AK2: variants seen among roughly 807,000 people sequenced by gnomAD.
AK2 encodes the protein adenylate kinase 2, mitochondrial.
In AK2, 15 loss-of-function variants were observed where a neutral mutation model predicts 24.6. The ratio of observed to expected loss-of-function variants is 0.61; its 90% confidence interval spans 0.41 to 0.94. The LOEUF (loss-of-function observed/expected upper bound fraction) is 0.94. Ranked by LOEUF, AK2 falls within the 40% of genes least tolerant of loss-of-function variation. The pLI, the probability that AK2 is intolerant of heterozygous loss-of-function variation, is 0.00. For synonymous variants in AK2, 102 were observed against 114.0 expected, an observed-to-expected ratio of 0.90 and a Z score of 0.67; for missense variants, 257 against 304.1, an observed-to-expected ratio of 0.85 and a Z score of 1.15.
In AK2 at chr1:33,012,034, A is replaced by G; in HGVS notation, c.*1147T>C. 6.5e-7 allele frequency: 1 copy of G among 1,535,430 alleles called. No homozygotes were observed. Among genetic ancestry groups the G allele is most frequent in the Non-Finnish European group, 8.7e-7 (1 of 1,146,712 alleles). On this transcript the variant is annotated 3_prime_UTR_variant, in exon 6 of 6. Coordinates refer to ENST00000672715, the MANE Select transcript of AK2 (RefSeq NM_001625.4). Reference sequence around the variant, plus strand: ...ACACACTGTTTTGTTCACACTTGGAAACACAGGCAAACATTAAAAATAAAA... The same window carrying G: ...ACACACTGTTTTGTTCACACTTGGAGACACAGGCAAACATTAAAAATAAAA...
chr1:33,014,883 C>T (rs1639083815), intron 4 of AK2, among the ~76,000 whole-genome samples: 1 of 152,214 alleles, frequency 6.6e-6, no homozygotes, highest in South Asian at 2.1e-4. Flanking sequence ...GCTGGTCTCA[C>T]ACAGCCATCC....
At chr1:33,023,058 T>G (rs1639654031) in intron 2 of AK2, among the ~76,000 whole-genome samples, 1 of 152,058 alleles carries the variant, frequency 6.6e-6, no homozygotes, top group Non-Finnish European at 1.5e-5. Context: ...TAACAGAAGG[T>G]AACTTGAGGA....
At chr1:33,021,502 G>C in intron 3 of AK2, 41 bp from the exon 4 acceptor site, 7 of 1,605,452 alleles carry the variant, frequency 4.4e-6, no homozygotes, top group Non-Finnish European at 6.0e-6. Flanking sequence ...ACCAGAGCTT[G>C]GTTAGACCCA....
In AK2 at chr1:33,008,999, AG is replaced by A. The variant is rs1319499017; in HGVS notation, c.*4181del. 2.2e-6 allele frequency: 1 copy of A among 454,168 alleles called. No individual in the cohort carries two copies. The highest frequency in any genetic ancestry group is 4.4e-6 in the Non-Finnish European group (1 of 226,794). The allele number at this position is 454,168 out of a possible 1,614,324, so 28.1% of individuals were successfully genotyped here. On this transcript the variant is annotated 3_prime_UTR_variant, in exon 6 of 6. Transcript: ENST00000672715. ...CCAAGGGAGGAAAGAAAATTTTCAC[AG>A]GGTATTTAAAAAGCTCAGGGAACAA...
intron 2 of AK2, among the ~76,000 whole-genome samples, chr1:33,022,650 T>C (rs1639634307): frequency 6.6e-6 from 1 of 151,968 alleles, no homozygotes; most frequent in African/African-American, 2.4e-5. Flanking sequence ...AGCCACCATG[T>C]CCAGCCCTAA....
rs1557603176 is a variant in AK2 at position 33,009,320 on chromosome 1, G to T, written c.*3861C>A. 2.2e-6 allele frequency: 1 copy of T among 454,098 alleles called. No individual in the cohort carries two copies. The highest frequency in any genetic ancestry group is 4.4e-6 in the Non-Finnish European group (1 of 226,790). 28.1% of individuals were successfully genotyped at this position (454,098 alleles called of 1,614,324 possible). A position where few individuals can be genotyped will look rare whatever the true frequency, so the allele number is the denominator to read the frequency against. ...ATTTAAGCTCACTTTTGCTGGAGAG[G>T]AAATGAATTTAAACTAGGACACACA... On this transcript the variant is annotated 3_prime_UTR_variant, in exon 6 of 6. Coordinates refer to ENST00000672715, the MANE Select transcript of AK2 (RefSeq NM_001625.4).
intron 2 of AK2, 101 bp from the exon 3 acceptor site, chr1:33,021,804 T>C (rs1178068764): frequency 3.5e-6 from 3 of 869,224 alleles, no homozygotes; most frequent in Non-Finnish European, 5.7e-6. Context: ...ATAACCTTAT[T>C]ACTAAACAGC....
Position 33,012,908 on chromosome 1 carries a change from C to T in AK2, c.*273G>A. The T allele has an allele frequency of 7.1e-7, 1 of 1,401,416 alleles. No homozygotes were observed. The highest frequency in any genetic ancestry group is 9.4e-7 in the Non-Finnish European group (1 of 1,062,178). 86.8% of individuals were successfully genotyped at this position (1,401,416 alleles called of 1,614,324 possible). A position where few individuals can be genotyped will look rare whatever the true frequency, so the allele number is the denominator to read the frequency against. ...GCGAAACCTTGTCTCAAAACAACAACAAAAAAGAAGTAAACAGCTGGTAAA... is the reference window on the plus strand; with the variant it reads ...GCGAAACCTTGTCTCAAAACAACAATAAAAAAGAAGTAAACAGCTGGTAAA... On this transcript the variant is annotated 3_prime_UTR_variant, in exon 6 of 6. Coordinates refer to ENST00000672715, the MANE Select transcript of AK2 (RefSeq NM_001625.4).
Position 33,012,686 on chromosome 1 carries a change from T to C in AK2, c.*495A>G, listed in dbSNP as rs761098918. ...CCAAGGTGGGTGGATTGCTTAAGCC[T>C]AGGAGTTCAAGACCAGCCTGGGCAA... On this transcript the variant is annotated 3_prime_UTR_variant, in exon 6 of 6. Transcript: ENST00000672715. The C allele has an allele frequency of 1.5e-5, 18 of 1,228,266 alleles. No individual in the cohort carries two copies. Among genetic ancestry groups the C allele is most frequent in the African/African-American group, 1.4e-4 (9 of 64,596 alleles). The allele number at this position is 1,228,266 out of a possible 1,614,324, so 76.1% of individuals were successfully genotyped here. A position where few individuals can be genotyped will look rare whatever the true frequency, so the allele number is the denominator to read the frequency against.
At chr1:33,021,922 T>G (rs1639583713) in intron 2 of AK2, among the ~76,000 whole-genome samples, 1 of 151,818 alleles carries the variant, frequency 6.6e-6, no homozygotes, top group African/African-American at 2.4e-5. Context: ...ATACACACTC[T>G]CGTCTCTTGA....
At chr1:33,024,195 T>G in intron 2 of AK2, 1 of 520,962 alleles carries the variant, frequency 1.9e-6, no homozygotes, top group Non-Finnish European at 3.5e-6. Context: ...AAATTTCCTA[T>G]AATCTGCCAG....
chr1:33,021,339 T>C (rs1005412156), intron 4 of AK2, 28 bp downstream of exon 4: 1 of 1,597,074 alleles, frequency 6.3e-7, no homozygotes, highest in South Asian at 1.1e-5. Flanking sequence ...CTGAGAAGCA[T>C]GAAAAGGGAC....
intron 4 of AK2, among the ~76,000 whole-genome samples, chr1:33,019,067 A>C (rs74066443): frequency 1.5e-3 from 233 of 152,242 alleles, no homozygotes; most frequent in African/African-American, 5.5e-3. Context: ...CCAACCCATA[A>C]TCATTCCGGC....
chr1:33,030,785 G>A (rs372505619), intron 1 of AK2, among the ~76,000 whole-genome samples: 13 of 152,296 alleles, frequency 8.5e-5, no homozygotes, highest in African/African-American at 3.1e-4. Flanking sequence ...TAAAAGAACT[G>A]GCAACAGGCC....
chr1:33,016,881 AT>A (rs1171246941), intron 4 of AK2, among the ~76,000 whole-genome samples: 1 of 151,312 alleles, frequency 6.6e-6, no homozygotes, highest in Non-Finnish European at 1.5e-5. Flanking sequence ...AATTTTTTGT[AT>A]TTTTAGTAGA....
At chr1:33,018,057 C>T (rs551357789) in intron 4 of AK2, among the ~76,000 whole-genome samples, 12 of 152,268 alleles carry the variant, frequency 7.9e-5, no homozygotes, top group Non-Finnish European at 1.6e-4. Context: ...TGAACCACTG[C>T]GCCCAACATT....
chr1:33,018,431 T>C (rs946725704), intron 4 of AK2, among the ~76,000 whole-genome samples: 1 of 151,420 alleles, frequency 6.6e-6, no homozygotes, highest in Admixed American at 6.6e-5. Flanking sequence ...ACAACAACAA[T>C]GACAACAACA....
At position 33,011,299 on chromosome 1, in the gene AK2, A is replaced by G. The variant is rs1230980175; in HGVS notation, c.*1882T>C. On this transcript the variant is annotated 3_prime_UTR_variant, in exon 6 of 6. Coordinates refer to ENST00000672715, the MANE Select transcript of AK2 (RefSeq NM_001625.4). ...CCCAGACCAGGCACACATAGCTGAC[A>G]GTTTTTGTTTCACTCCTCTTCCTTG... The G allele has an allele frequency of 3.1e-6, 4 of 1,290,862 alleles. No homozygotes were observed. Among genetic ancestry groups the G allele is most frequent in the Non-Finnish European group, 4.0e-6 (4 of 991,366 alleles). The allele number at this position is 1,290,862 out of a possible 1,614,324, so 80.0% of individuals were successfully genotyped here.
At chr1:33,031,470 T>C (rs556582143) in intron 1 of AK2, 31 of 412,190 alleles carry the variant, frequency 7.5e-5, no homozygotes, top group South Asian at 4.5e-4. Context: ...GTCTGTCACG[T>C]AACTGAGCAA....
Sources: gnomAD v4.1 joint callset for allele counts (sites outside exome capture counted in the v4.1 genomes callset) on GRCh38, gnomAD v4.1.1 for gene constraint, MANE v1.5 for transcripts, NCBI Gene and HGNC (gene_info 2026-07-23, HGNC 2026-07-21) for gene names.